BBOF1: variants seen among roughly 807,000 people sequenced by gnomAD.
BBOF1 encodes the protein basal body orientation factor 1, also known as basal body-orientation factor 1.
BBOF1 carries 62 observed loss-of-function variants against 68.0 expected under a neutral mutation model. The ratio of observed to expected loss-of-function variants is 0.91; its 90% confidence interval spans 0.74 to 1.13. The LOEUF (loss-of-function observed/expected upper bound fraction) is 1.13. Ranked by LOEUF, BBOF1 falls within the 50% of genes most tolerant of loss-of-function variation. The pLI is 0.00. For synonymous variants in BBOF1, 208 were observed against 198.8 expected (o/e 1.05, Z -0.39); for missense variants, 534 against 600.1 (o/e 0.89, Z 1.15).
At chr14:74,069,688 G>A (rs2060522348), downstream of BBOF1, among the ~76,000 whole-genome samples, 1 of 151,928 alleles carries the variant, frequency 6.6e-6, no homozygotes, top group Admixed American at 6.6e-5. Context: ...GGGAGGCAGA[G>A]GTTGCAGCGA....
chr14:74,072,525 AGCTTC>A (rs1208439945), intron 9 of BBOF1: 1 of 1,614,084 alleles, frequency 6.2e-7, no homozygotes, highest in Non-Finnish European at 8.5e-7. Flanking sequence ...GTCCCAAAGC[AGCTTC>A]GCTTACTGGG....
At chr14:74,072,367 G>A in intron 9 of BBOF1, 1 of 1,614,150 alleles carries the variant, frequency 6.2e-7, no homozygotes. Flanking sequence ...TTGGTGGCCT[G>A]ATGAGAAAAA....
At position 74,064,721 on chromosome 14, in the gene BBOF1, C is replaced by T. The variant is rs761491314; in HGVS notation, c.*22C>T. On this transcript the variant is annotated 3_prime_UTR_variant, in exon 12 of 12. Coordinates refer to ENST00000394009, the MANE Select transcript of BBOF1 (RefSeq NM_025057.3). ...CTGAGAAGCACTGATTATGACCTCACAGATGCTGCTGGCAGTCCCTTCCTT... is the reference window on the plus strand; with the variant it reads ...CTGAGAAGCACTGATTATGACCTCATAGATGCTGCTGGCAGTCCCTTCCTT... 117 of 1,613,640 alleles carry T rather than the reference C, an allele frequency of 7.3e-5. No homozygotes were observed. The highest frequency in any genetic ancestry group is 9.8e-5 in the Non-Finnish European group (116 of 1,179,652).
intron 5 of BBOF1, among the ~76,000 whole-genome samples, chr14:74,045,037 CTTTCTG>C (rs1394351466): frequency 1.3e-5 from 2 of 152,104 alleles, no homozygotes; most frequent in Admixed American, 1.3e-4. Context: ...CCCGGCCAAC[CTTTCTG>C]TTTCTGTTTC....
intron 2 of BBOF1, among the ~76,000 whole-genome samples, chr14:74,027,604 G>T (rs565644348): frequency 1.3e-5 from 2 of 151,966 alleles, no homozygotes; most frequent in East Asian, 1.9e-4. Context: ...AATCACAGAA[G>T]AAAAAATAAT....
chr14:74,075,097 A>G, intron 9 of BBOF1: 1 of 1,315,332 alleles, frequency 7.6e-7, no homozygotes, highest in Non-Finnish European at 1.1e-6. Context: ...ACTATATGCT[A>G]TTTGCTATAG....
intron 3 of BBOF1, chr14:74,031,944 C>T (rs548047743): frequency 2.0e-5 from 3 of 151,994 alleles, no homozygotes; most frequent in South Asian, 2.1e-4. Context: ...GCCATTATAT[C>T]GTTGGGATAG....
chr14:74,067,006 A>T, downstream of BBOF1: 1 of 955,212 alleles, frequency 1.0e-6, no homozygotes, highest in Non-Finnish European at 1.6e-6. Context: ...GCTTGAGCCC[A>T]GGAGTTCCAG....
chr14:74,059,412 C>T (rs1206838403), intron 11 of BBOF1: 7 of 455,722 alleles, frequency 1.5e-5, no homozygotes, highest in Non-Finnish European at 3.1e-5. Flanking sequence ...TTATTTGCAT[C>T]TGGCTGGGTG....
At position 74,072,572 on chromosome 14, in the gene BBOF1, A is replaced by G. The variant is rs61745707; in HGVS notation, n.1380-5624A>G. On this transcript the variant is annotated intron_variant and non_coding_transcript_variant, in intron 9 of 12. Transcript: ENST00000492026. Reference sequence around the variant, plus strand: ...ATATCGATCCATTTGTCACTTTTGGATTCAACGAATTTCCCACCAATGAAG... The same window carrying G: ...ATATCGATCCATTTGTCACTTTTGGGTTCAACGAATTTCCCACCAATGAAG... 746 of 1,613,986 alleles carry G rather than the reference A, an allele frequency of 4.6e-4. No individual in the cohort carries two copies. The highest frequency in any genetic ancestry group is 6.1e-4 in the Non-Finnish European group (718 of 1,180,036).
intron 9 of BBOF1, among the ~76,000 whole-genome samples, chr14:74,056,480 A>G (rs2060209334): frequency 1.3e-5 from 2 of 151,792 alleles, no homozygotes; most frequent in South Asian, 4.2e-4. Flanking sequence ...GATTACAGGC[A>G]TGAGCCACTG....
At chr14:74,060,533 C>G in intron 11 of BBOF1, 1 of 854,150 alleles carries the variant, frequency 1.2e-6, no homozygotes, top group Non-Finnish European at 2.0e-6. Flanking sequence ...ATTTTAGTTA[C>G]AATGTATTCC....
At chr14:74,036,158 C>T (rs1031136786) in intron 4 of BBOF1, among the ~76,000 whole-genome samples, 8 of 151,880 alleles carry the variant, frequency 5.3e-5, no homozygotes, top group South Asian at 2.1e-4. Context: ...TGGGTTCAAG[C>T]GATTTTGGTG....
In BBOF1 at chr14:74,047,996, T is replaced by C. The variant is rs1384576156; in HGVS notation, c.714T>C (p.Tyr238=). 1 of 1,613,270 alleles carries C rather than the reference T, an allele frequency of 6.2e-7. No individual in the cohort carries two copies. The highest frequency in any genetic ancestry group is 1.3e-5 in the African/African-American group (1 of 75,040). ...ENDYLQKALA[Y]HLKETDALQK... ...ATTATCTTCAGAAAGCTCTGGCATATCACCTGAAGGAAACTGACGCTCTAC... is the reference window on the plus strand; with the variant it reads ...ATTATCTTCAGAAAGCTCTGGCATACCACCTGAAGGAAACTGACGCTCTAC... Residue 238 remains tyrosine (Y), a synonymous_variant, in exon 7 of 12, where the codon TAT becomes TAC. Transcript: ENST00000394009.
intron 5 of BBOF1, among the ~76,000 whole-genome samples, chr14:74,042,360 C>G (rs942453965): frequency 1.3e-5 from 2 of 152,218 alleles, no homozygotes; most frequent in African/African-American, 2.4e-5. Context: ...TCTCCTATTC[C>G]ACCCTAATCT....
chr14:74,028,273 G>C (rs1192527043), intron 2 of BBOF1, among the ~76,000 whole-genome samples: 2 of 152,098 alleles, frequency 1.3e-5, no homozygotes, highest in African/African-American at 4.8e-5. Flanking sequence ...GGAGGCAGAG[G>C]CAGGAGAATT....
At position 74,023,037 on chromosome 14, in the gene BBOF1, C is replaced by G. The variant is rs780851764; in HGVS notation, c.178C>G (p.Leu60Val). 3.7e-6 allele frequency: 6 copies of G among 1,610,620 alleles called. No homozygotes were observed. In the South Asian group the frequency reaches 6.6e-5, roughly 18 times the overall value. The change falls in exon 2 of 12, where the codon CTG becomes GTG. Residue 60 changes from leucine to valine, a missense_variant. Coordinates refer to ENST00000394009, the MANE Select transcript of BBOF1 (RefSeq NM_025057.3). Reference protein sequence around the residue: ...RIKYRDTSRILAKSNEDLKKK... With the variant: ...RIKYRDTSRIVAKSNEDLKKK... Reference sequence around the variant, plus strand: ...TAAGTATCGTGATACTTCACGGATACTGGCAAAAAGTAATGAGGACTTAAA... The same window carrying G: ...TAAGTATCGTGATACTTCACGGATAGTGGCAAAAAGTAATGAGGACTTAAA...
intron 4 of BBOF1, among the ~76,000 whole-genome samples, chr14:74,036,265 C>T (rs2059697813): frequency 6.6e-6 from 1 of 152,086 alleles, no homozygotes; most frequent in South Asian, 2.1e-4. Flanking sequence ...CCACATTAGC[C>T]AGGCTGGTCA....
intron 5 of BBOF1, among the ~76,000 whole-genome samples, chr14:74,042,458 T>C (rs889919475): frequency 6.6e-6 from 1 of 152,180 alleles, no homozygotes; most frequent in African/African-American, 2.4e-5. Context: ...CTTATGTAAA[T>C]AGGATTTTTA....
Sources: allele counts gnomAD v4.1 joint callset (sites outside exome capture counted in the v4.1 genomes callset), GRCh38; gene constraint gnomAD v4.1.1; transcripts MANE v1.5; gene names NCBI Gene and HGNC (gene_info 2026-07-23, HGNC 2026-07-21).